The following EPM2A variants were observed in gnomAD, a reference collection of about 807,000 sequenced individuals.
The protein encoded by EPM2A is laforin.
EPM2A carries 21 observed loss-of-function variants against 26.5 expected under a neutral mutation model. The observed-to-expected ratio is 0.79, with a 90% CI of 0.56 to 1.14. EPM2A has a LOEUF of 1.14. EPM2A is among the 50% of genes most tolerant of loss of function. The pLI, the probability that EPM2A is intolerant of heterozygous loss-of-function variation, is 0.00. For synonymous variants in EPM2A, 217 were observed against 177.6 expected, an observed-to-expected ratio of 1.22 and a Z score of -1.76; for missense variants, 458 against 440.8, an observed-to-expected ratio of 1.04 and a Z score of -0.35.
At chr6:145,409,461 T>C (rs1350812143) in intron 4 of EPM2A, among the ~76,000 whole-genome samples, 1 of 152,188 alleles carries the variant, frequency 6.6e-6, no homozygotes, top group Non-Finnish European at 1.5e-5. Flanking sequence ...ACTCAGTATC[T>C]AATTATGCTA....
chr6:145,724,799 A>T (rs1776114649), intron 1 of EPM2A, among the ~76,000 whole-genome samples: 1 of 152,064 alleles, frequency 6.6e-6, no homozygotes, highest in Non-Finnish European at 1.5e-5. Context: ...CCATATGGGG[A>T]GCAAAAAGAA....
At chr6:145,677,600 C>G (rs1369153336) in intron 2 of EPM2A, among the ~76,000 whole-genome samples, 2 of 152,154 alleles carry the variant, frequency 1.3e-5, no homozygotes. Flanking sequence ...AATACAAAAT[C>G]AAAGTGCAAA....
At chr6:145,507,851 A>G (rs367612) in intron 2 of EPM2A, among the ~76,000 whole-genome samples, 72,811 of 151,932 alleles carry the variant, frequency 0.48, 17,462 homozygotes, top group South Asian at 0.61. Context: ...GGCAAGACTT[A>G]CAGCCAGGGA....
chr6:145,565,146 C>T (rs1284036763), intron 2 of EPM2A, among the ~76,000 whole-genome samples: 1 of 152,194 alleles, frequency 6.6e-6, no homozygotes, highest in African/African-American at 2.4e-5. Flanking sequence ...TCTTCCCTCT[C>T]TCAGCTTGGC....
intron 2 of EPM2A, among the ~76,000 whole-genome samples, chr6:145,559,040 G>A (rs770468678): frequency 1.4e-4 from 22 of 152,124 alleles, no homozygotes; most frequent in Non-Finnish European, 2.6e-4. Context: ...GCCAGGAGCT[G>A]TCTGAAGGCA....
intron 2 of EPM2A, among the ~76,000 whole-genome samples, chr6:145,557,115 GCAT>G: frequency 6.6e-6 from 1 of 152,190 alleles, no homozygotes; most frequent in East Asian, 1.9e-4. Flanking sequence ...AAATATTCAA[GCAT>G]CATATCTTCG....
intron 3 of EPM2A, chr6:145,632,462 T>C (rs759066100): frequency 2.0e-5 from 3 of 152,342 alleles, no homozygotes; most frequent in Admixed American, 6.5e-5. Context: ...TTTGTTTTGT[T>C]CAGGTGAGTG....
intron 2 of EPM2A, among the ~76,000 whole-genome samples, chr6:145,549,937 C>A (rs1482912570): frequency 1.3e-5 from 2 of 152,092 alleles, no homozygotes; most frequent in Admixed American, 1.3e-4. Context: ...AATACCTGAG[C>A]AAGAGCAGAT....
chr6:145,415,434 T>C (rs1778694875), intron 4 of EPM2A, among the ~76,000 whole-genome samples: 1 of 152,206 alleles, frequency 6.6e-6, no homozygotes, highest in Non-Finnish European at 1.5e-5. Context: ...ACTAACATAA[T>C]TTTTCCCTGA....
chr6:145,455,362 T>A (rs533219903), intron 4 of EPM2A, among the ~76,000 whole-genome samples: 1 of 152,096 alleles, frequency 6.6e-6, no homozygotes, highest in African/African-American at 2.4e-5. Flanking sequence ...ACTAAAAAAA[T>A]TTTTTTCTTT....
At chr6:145,595,577 G>A (rs1249747227) in intron 2 of EPM2A, among the ~76,000 whole-genome samples, 1 of 151,700 alleles carries the variant, frequency 6.6e-6, no homozygotes, top group African/African-American at 2.4e-5. Context: ...AATAGACAAG[G>A]ATATATCTAT....
chr6:145,719,612 T>C (rs1775842694), intron 1 of EPM2A, among the ~76,000 whole-genome samples: 1 of 152,092 alleles, frequency 6.6e-6, no homozygotes, highest in Admixed American at 6.5e-5. Context: ...CCCTAAAACT[T>C]AAAGTATAAT....
chr6:145,669,513 G>C (rs1262607868), intron 2 of EPM2A, among the ~76,000 whole-genome samples: 3 of 152,248 alleles, frequency 2.0e-5, no homozygotes, highest in African/African-American at 7.2e-5. Flanking sequence ...AATATTCCCT[G>C]ATGTGTTCAC....
intron 2 of EPM2A, among the ~76,000 whole-genome samples, chr6:145,575,406 C>T (rs368640212): frequency 6.6e-6 from 1 of 152,136 alleles, no homozygotes; most frequent in African/African-American, 2.4e-5. Context: ...TGCAGGTCAG[C>T]CACTTGCATG....
At chr6:145,577,378 A>T (rs1054398662) in intron 2 of EPM2A, among the ~76,000 whole-genome samples, 13 of 151,966 alleles carry the variant, frequency 8.6e-5, no homozygotes, top group African/African-American at 2.9e-4. Flanking sequence ...AACAAAAAAA[A>T]AAGAGCAGGA....
intron 4 of EPM2A, among the ~76,000 whole-genome samples, chr6:145,423,395 G>A (rs780382536): frequency 6.6e-6 from 1 of 152,124 alleles, no homozygotes; most frequent in African/African-American, 2.4e-5. Flanking sequence ...CCACCCAGAT[G>A]TGGTGGCCTT....
chr6:145,383,448 A>G (rs1778216952), exon 5 of EPM2A: 1 of 152,194 alleles, frequency 6.6e-6, no homozygotes, highest in Admixed American at 6.6e-5. Context: ...GCCTCAGGAA[A>G]CTTTTGATCA....
chr6:145,705,305 A>C (rs765511173), intron 1 of EPM2A, among the ~76,000 whole-genome samples: 1 of 152,174 alleles, frequency 6.6e-6, no homozygotes, highest in Non-Finnish European at 1.5e-5. Flanking sequence ...ACAAACAAAC[A>C]ACAAAATATA....
At chr6:145,717,830 A>C (rs1175334171) in intron 1 of EPM2A, among the ~76,000 whole-genome samples, 68 of 150,306 alleles carry the variant, frequency 4.5e-4, no homozygotes, top group South Asian at 8.5e-4. Context: ...AATAACAGAC[A>C]AACAGAGAGA....
Sources: allele counts gnomAD v4.1 joint callset (sites outside exome capture counted in the v4.1 genomes callset), GRCh38; gene constraint gnomAD v4.1.1; transcripts MANE v1.5; gene names NCBI Gene and HGNC (gene_info 2026-07-23, HGNC 2026-07-21).